The following FHIP1A variants were observed in gnomAD, a reference collection of about 807,000 sequenced individuals.
FHIP1A encodes FHF complex subunit HOOK interacting protein 1A.
In FHIP1A, 61 loss-of-function variants were observed where a neutral mutation model predicts 88.6. The observed-to-expected ratio is 0.69, with a 90% CI of 0.56 to 0.85. FHIP1A has a LOEUF of 0.85. Among genes scored for constraint, FHIP1A ranks in the 40% least tolerant of loss-of-function variants. The pLI is 0.00. For missense variants in FHIP1A, 1,154 were observed against 1,273.5 expected (o/e 0.91, Z 1.43); for synonymous variants, 478 against 496.0 (o/e 0.96, Z 0.48).
intron 7 of FHIP1A, among the ~76,000 whole-genome samples, chr4:151,616,822 A>G (rs1002566869): frequency 7.9e-5 from 12 of 151,976 alleles, no homozygotes; most frequent in African/African-American, 2.9e-4. Context: ...ATATTGGCTC[A>G]CTGCAACCTC....
intron 3 of FHIP1A, among the ~76,000 whole-genome samples, 174 bp from the exon 4 acceptor site, chr4:151,565,964 T>C (rs1708631675): frequency 6.6e-6 from 1 of 152,052 alleles, no homozygotes; most frequent in Non-Finnish European, 1.5e-5. Context: ...GTATTTTTAG[T>C]AGCAAAGTAG....
chr4:151,443,632 T>C (rs1346607116), intron 1 of FHIP1A, among the ~76,000 whole-genome samples: 1 of 150,722 alleles, frequency 6.6e-6, no homozygotes, highest in Non-Finnish European at 1.5e-5. Flanking sequence ...TTTTTTTCCT[T>C]CTTTTTCCTC....
In FHIP1A at chr4:151,646,758, C is replaced by T. The variant is rs16998842; in HGVS notation, c.1417+10C>T. 26,086 of 1,527,736 alleles carry T rather than the reference C, an allele frequency of 0.017. 2,465 individuals are homozygous for T. The East Asian group carries it at 0.27, about 16-fold the overall frequency. 94.6% of individuals were successfully genotyped at this position (1,527,736 alleles called of 1,614,324 possible). ...ATGCATGACACTTCAGGTAGGAACT[C>T]GCTAGTGATGATCTTTAAACAAAAG... On this transcript the variant is annotated intron_variant, in intron 10 of 13. Transcript: ENST00000435205.
chr4:151,550,728 G>A (rs184984294), intron 3 of FHIP1A, among the ~76,000 whole-genome samples: 1 of 152,270 alleles, frequency 6.6e-6, no homozygotes, highest in African/African-American at 2.4e-5. Flanking sequence ...TTAGTTGATG[G>A]ATACTGTGGT....
chr4:151,469,991 T>G lies in FHIP1A; in HGVS notation c.-247-12533T>G, dbSNP rs185751247. 2.9e-3 allele frequency among the ~76,000 whole-genome samples: 446 copies of G among 152,252 alleles called. 1 individual carries two copies. Among genetic ancestry groups the G allele is most frequent in the African/African-American group, 9.2e-3 (384 of 41,554 alleles). ...AAGTTTGCTGTGGAAGAGTAGCAAA[T>G]GTAAGATAAATTGAGAAGGTTAAGG... On this transcript the variant is annotated intron_variant, in intron 2 of 13. Transcript: ENST00000435205.
At chr4:151,616,742 G>A (rs529200980) in intron 7 of FHIP1A, among the ~76,000 whole-genome samples, 5 of 149,844 alleles carry the variant, frequency 3.3e-5, no homozygotes, top group Admixed American at 3.3e-4. Context: ...GAGCCACCAC[G>A]CCTGGCCAGT....
chr4:151,560,804 A>C (rs920702968), intron 3 of FHIP1A, among the ~76,000 whole-genome samples: 1 of 152,132 alleles, frequency 6.6e-6, no homozygotes, highest in African/African-American at 2.4e-5. Flanking sequence ...ACTTGCTATA[A>C]ATTTCAAAAT....
At chr4:151,445,811 C>A (rs1175953042) in intron 1 of FHIP1A, among the ~76,000 whole-genome samples, 1 of 140,040 alleles carries the variant, frequency 7.1e-6, no homozygotes, top group Non-Finnish European at 1.5e-5. Context: ...CCTATGATCA[C>A]ACCTCTGCAC....
chr4:151,448,313 A>G (rs1460885675), intron 1 of FHIP1A, among the ~76,000 whole-genome samples: 1 of 152,202 alleles, frequency 6.6e-6, no homozygotes, highest in Non-Finnish European at 1.5e-5. Flanking sequence ...AATATAATAC[A>G]TAACACAAAT....
At chr4:151,487,271 G>T (rs1333624137) in intron 3 of FHIP1A, among the ~76,000 whole-genome samples, 2 of 151,784 alleles carry the variant, frequency 1.3e-5, no homozygotes, top group Non-Finnish European at 2.9e-5. Context: ...TTAGTTTTAT[G>T]GTACTTCTTT....
Position 151,629,027 on chromosome 4 carries a change from G to T in FHIP1A, c.979-675G>T, listed in dbSNP as rs140138931. 4.7e-3 allele frequency among the ~76,000 whole-genome samples: 713 copies of T among 152,202 alleles called. 6 individuals are homozygous for T. Among genetic ancestry groups the T allele is most frequent in the African/African-American group, 0.016 (671 of 41,502 alleles). On this transcript the variant is annotated intron_variant, in intron 7 of 13. Transcript: ENST00000435205. ...TTTACTGCATGAGAAAATTACACCA[G>T]GTAGCATATATTAATTTGTTATAAA...
At chr4:151,558,490 C>T (rs980706624) in intron 3 of FHIP1A, among the ~76,000 whole-genome samples, 6 of 152,008 alleles carry the variant, frequency 3.9e-5, no homozygotes, top group East Asian at 1.9e-4. Flanking sequence ...AACCGAGATG[C>T]GTCACTGTAC....
chr4:151,653,192 C>G (rs903469171), intron 11 of FHIP1A, among the ~76,000 whole-genome samples: 2 of 152,176 alleles, frequency 1.3e-5, no homozygotes, highest in Non-Finnish European at 2.9e-5. Flanking sequence ...TAGGAAAAGA[C>G]TGGAAACAAC....
At chr4:151,486,741 C>T (rs955305215) in intron 3 of FHIP1A, among the ~76,000 whole-genome samples, 7 of 151,872 alleles carry the variant, frequency 4.6e-5, no homozygotes, top group Non-Finnish European at 8.8e-5. Flanking sequence ...TCGAGGCGGG[C>T]GGATCGCCTG....
intron 4 of FHIP1A, among the ~76,000 whole-genome samples, chr4:151,568,553 G>A (rs62329098): frequency 0.011 from 1,620 of 152,260 alleles, 21 homozygotes; most frequent in Non-Finnish European, 0.018. Context: ...TTGTTCAATG[G>A]AGATTTACTG....
At chr4:151,436,975 T>C (rs532908463) in intron 1 of FHIP1A, among the ~76,000 whole-genome samples, 1 of 152,264 alleles carries the variant, frequency 6.6e-6, no homozygotes, top group Admixed American at 6.5e-5. Flanking sequence ...CAAATAGTTG[T>C]TATACTGTCT....
chr4:151,669,222 G>A lies in FHIP1A; in HGVS notation c.*6468G>A, dbSNP rs1162963425. Among the ~76,000 whole-genome samples, 1 of 152,184 alleles carries A rather than the reference G, an allele frequency of 6.6e-6. No homozygotes were observed. The highest frequency in any genetic ancestry group is 1.5e-5 in the Non-Finnish European group (1 of 68,040). ...AGCAGTGATGATATCAACTTACAAG[G>A]TTTGGCTTTCAGGATTTCAGAAGCT... On this transcript the variant is annotated 3_prime_UTR_variant, in exon 14 of 14. Transcript: ENST00000435205.
intron 2 of FHIP1A, among the ~76,000 whole-genome samples, chr4:151,468,940 T>C (rs1339449834): frequency 6.6e-6 from 1 of 152,202 alleles, no homozygotes; most frequent in Admixed American, 6.5e-5. Context: ...TAGGCAGTTA[T>C]TCAGTATCCT....
At position 151,577,809 on chromosome 4, in the gene FHIP1A, C is replaced by A. The variant is rs1393059409; in HGVS notation, c.465C>A (p.Thr155=). 2 of 1,551,990 alleles carry A rather than the reference C, an allele frequency of 1.3e-6. No homozygotes were observed. Among genetic ancestry groups the A allele is most frequent in the Middle Eastern group, 1.7e-4 (1 of 5,996 alleles). The change falls in exon 5 of 14, where the codon ACC becomes ACA. Residue 155 remains threonine (T), a synonymous_variant. Transcript: ENST00000435205. ...TGAGCTCTTGTTCAGGAACAACCAC[C>A]CCCACTGTGGAGGAGAAGCTGGTTG... ...MLLSSCSGTT[T]PTVEEKLVVL... is the part of the protein sequence containing the mutation.
Sources: allele counts gnomAD v4.1 joint callset (sites outside exome capture counted in the v4.1 genomes callset), GRCh38; gene constraint gnomAD v4.1.1; transcripts MANE v1.5; gene names NCBI Gene and HGNC (gene_info 2026-07-23, HGNC 2026-07-21).